KLHL29: variants seen among roughly 807,000 people sequenced by gnomAD.
The protein encoded by KLHL29 is kelch-like protein 29.
A neutral mutation model predicts 80.4 loss-of-function variants in KLHL29; 21 were observed. The observed-to-expected ratio is 0.26, with a 90% CI of 0.19 to 0.38. The LOEUF (loss-of-function observed/expected upper bound fraction) is 0.38. Among genes scored for constraint, KLHL29 ranks in the 10% least tolerant of loss-of-function variants. KLHL29 has a pLI of 1.00. For missense variants in KLHL29, 867 were observed against 1,223.9 expected (o/e 0.71, Z 4.35); for synonymous variants, 511 against 526.8 (o/e 0.97, Z 0.41).
chr2:23,572,969 T>C (rs1189535815), intron 3 of KLHL29, among the ~76,000 whole-genome samples: 1 of 152,198 alleles, frequency 6.6e-6, no homozygotes, highest in East Asian at 1.9e-4. Flanking sequence ...ATTACAGGCG[T>C]GAGCCACCGC....
At chr2:23,651,666 CTGCCATCACAAAA>C (rs894482313) in intron 5 of KLHL29, among the ~76,000 whole-genome samples, 168 of 152,264 alleles carry the variant, frequency 1.1e-3, no homozygotes, top group African/African-American at 3.9e-3. Context: ...TCATTTTGTG[CTGCCATCACAAAA>C]TGCCACAAAT....
Position 23,562,562 on chromosome 2 carries a change from T to C in KLHL29, c.285+81T>C, listed in dbSNP as rs1667478580. On this transcript the variant is annotated intron_variant, in intron 3 of 13. Transcript: ENST00000486442. This position sits in a 1 kb window ranked among gnomAD's most constrained non-coding sequence, Gnocchi z 4.5. Reference sequence around the variant, plus strand: ...GCAGGCTCAGGCCAGCCCCACAGGCTCCTGTGGGGCAGCCTGTGCTCCACG... The same window carrying C: ...GCAGGCTCAGGCCAGCCCCACAGGCCCCTGTGGGGCAGCCTGTGCTCCACG... The C allele has an allele frequency of 1.4e-6, 2 of 1,379,738 alleles. No individual in the cohort carries two copies. Among genetic ancestry groups the C allele is most frequent in the Non-Finnish European group, 1.9e-6 (2 of 1,027,516 alleles). The allele number at this position is 1,379,738 out of a possible 1,614,324, so 85.5% of individuals were successfully genotyped here. A position where few individuals can be genotyped will look rare whatever the true frequency, so the allele number is the denominator to read the frequency against.
At chr2:23,574,691 C>G (rs921134938) in intron 3 of KLHL29, among the ~76,000 whole-genome samples, 1 of 151,972 alleles carries the variant, frequency 6.6e-6, no homozygotes, top group African/African-American at 2.4e-5. Flanking sequence ...GGGAAAATGG[C>G]AAATTTTATG....
intron 5 of KLHL29, among the ~76,000 whole-genome samples, chr2:23,650,735 A>C (rs946670980): frequency 6.6e-6 from 1 of 152,240 alleles, no homozygotes; most frequent in Non-Finnish European, 1.5e-5. Context: ...CTGTCATGAC[A>C]GGGGTTTAAT....
In KLHL29 at chr2:23,680,032, C is replaced by A. The variant is rs113500143; in HGVS notation, c.941-4367C>A. Among the ~76,000 whole-genome samples, 2 of 152,128 alleles carry A rather than the reference C, an allele frequency of 1.3e-5. No homozygotes were observed. Among genetic ancestry groups the A allele is most frequent in the Non-Finnish European group, 2.9e-5 (2 of 68,014 alleles). Reference sequence around the variant, plus strand: ...GACCTCCCAGAGGGCTGTGCTGCCCCTTCAGCCCCGAAGGATTTGTGTGGC... The same window carrying A: ...GACCTCCCAGAGGGCTGTGCTGCCCATTCAGCCCCGAAGGATTTGTGTGGC... On this transcript the variant is annotated intron_variant, in intron 5 of 13. Transcript: ENST00000486442. This position sits in a 1 kb window ranked among gnomAD's most constrained non-coding sequence, Gnocchi z 4.1.
intron 2 of KLHL29, among the ~76,000 whole-genome samples, chr2:23,554,320 T>C (rs1490641503): frequency 6.6e-6 from 1 of 152,230 alleles, no homozygotes. Context: ...TCCAATCGAC[T>C]TGGCAGCACG....
chr2:23,670,917 G>GCGCGCGCACTCT lies in KLHL29; in HGVS notation c.941-13481_941-13480insGCGCGCACTCTC, dbSNP rs150131401. 5.0e-3 allele frequency among the ~76,000 whole-genome samples: 92 copies of GCGCGCGCACTCT among 18,568 alleles called. 32 individuals carry two copies. Among genetic ancestry groups the GCGCGCGCACTCT allele is most frequent in the East Asian group, 9.5e-3 (5 of 528 alleles). The allele number at this position is 18,568 out of a possible 152,430, so 12.2% of individuals were successfully genotyped here. A position where few individuals can be genotyped will look rare whatever the true frequency, so the allele number is the denominator to read the frequency against. On this transcript the variant is annotated intron_variant, in intron 5 of 13. Coordinates refer to ENST00000486442, the MANE Select transcript of KLHL29 (RefSeq NM_052920.2). ...GAGGGGTCTCTACACACATGCACGC[G>GCGCGCGCACTCT]CTCTCTCTCTCTCTCTCTCTCTCTC... is the stretch of plus-strand genomic sequence containing the variant.
rs1672303271 is a variant in KLHL29, at chr2:23,700,623, C to T, written c.2106-2563C>T. ...GAGCTGGCTGTTAAACATTCATCAG[C>T]ATTCCATTGACCCCTCTCAGCTCCG... On this transcript the variant is annotated intron_variant, in intron 11 of 13. Transcript: ENST00000486442. The surrounding 1 kb of genome is among the most constrained non-coding windows in gnomAD (Gnocchi z 4.6). Among the ~76,000 whole-genome samples the T allele has an allele frequency of 6.6e-6, 1 of 152,226 alleles. No homozygotes were observed. The highest frequency in any genetic ancestry group is 6.5e-5 in the Admixed American group (1 of 15,286).
chr2:23,540,401 T>C (rs553495536), intron 2 of KLHL29, among the ~76,000 whole-genome samples: 6 of 152,258 alleles, frequency 3.9e-5, no homozygotes, highest in Middle Eastern at 3.2e-3. Context: ...ACACAGATCA[T>C]AGAAGCGTTT....
At chr2:23,497,335 A>C (rs571913383) in intron 2 of KLHL29, among the ~76,000 whole-genome samples, 1 of 152,216 alleles carries the variant, frequency 6.6e-6, no homozygotes, top group Non-Finnish European at 1.5e-5. Flanking sequence ...CCATGACTAG[A>C]GCACCACAGC....
At chr2:23,466,993 C>G (rs1369467054) in intron 1 of KLHL29, among the ~76,000 whole-genome samples, 1 of 152,148 alleles carries the variant, frequency 6.6e-6, no homozygotes, top group Non-Finnish European at 1.5e-5. Flanking sequence ...GGGTCTCATC[C>G]CAACTCTCCT....
At chr2:23,536,284 G>A (rs1423997981) in intron 2 of KLHL29, among the ~76,000 whole-genome samples, 1 of 152,208 alleles carries the variant, frequency 6.6e-6, no homozygotes, top group Non-Finnish European at 1.5e-5. Context: ...GCAACTCCCA[G>A]CATCATGATT....
intron 6 of KLHL29, chr2:23,690,119 C>T (rs997875284): frequency 3.9e-5 from 6 of 152,322 alleles, no homozygotes; most frequent in Admixed American, 6.5e-5. Context: ...CTCCCCCTCT[C>T]CTCCTGGCCA....
intron 7 of KLHL29, among the ~76,000 whole-genome samples, chr2:23,693,040 G>C (rs967321699): frequency 6.6e-6 from 1 of 152,120 alleles, no homozygotes; most frequent in African/African-American, 2.4e-5. Flanking sequence ...GGACCTGTGC[G>C]CACAGAGGGA....
chr2:23,694,165 C>T (rs186940208), intron 8 of KLHL29, among the ~76,000 whole-genome samples: 1 of 152,370 alleles, frequency 6.6e-6, no homozygotes, highest in East Asian at 1.9e-4. Flanking sequence ...GCCTTCTGGG[C>T]CTCTCCAGCA....
chr2:23,458,783 G>A (rs1389578432), intron 1 of KLHL29, among the ~76,000 whole-genome samples: 1 of 152,196 alleles, frequency 6.6e-6, no homozygotes, highest in South Asian at 2.1e-4. Context: ...TGGTCATAGC[G>A]GAGAGGAGAA....
intron 1 of KLHL29, among the ~76,000 whole-genome samples, chr2:23,452,148 A>T (rs1663897512): frequency 6.6e-6 from 1 of 151,346 alleles, no homozygotes; most frequent in South Asian, 2.1e-4. Flanking sequence ...AATAGCTGGG[A>T]CCACAAGCAT....
intron 1 of KLHL29, among the ~76,000 whole-genome samples, chr2:23,439,408 G>T (rs576660800): frequency 3.3e-5 from 5 of 151,530 alleles, no homozygotes; most frequent in African/African-American, 1.2e-4. Context: ...ATGTTAGGGT[G>T]TCAATTTTGG....
At chr2:23,442,440 G>A (rs1663555297) in intron 1 of KLHL29, among the ~76,000 whole-genome samples, 1 of 152,130 alleles carries the variant, frequency 6.6e-6, no homozygotes, top group African/African-American at 2.4e-5. Flanking sequence ...CAGAGTCAGA[G>A]AACAAGATGT....
Sources: allele counts gnomAD v4.1 joint callset (sites outside exome capture counted in the v4.1 genomes callset), GRCh38; gene constraint gnomAD v4.1.1; non-coding constraint Gnocchi (gnomAD v3.1); transcripts MANE v1.5; gene names NCBI Gene and HGNC (gene_info 2026-07-23, HGNC 2026-07-21).